Variants in RPSA2 observed in about 807,000 individuals in gnomAD.
RPSA2 encodes ribosomal protein SA 2.
chr19:23,762,694 T>C, the RPSA2 span, among the ~76,000 whole-genome samples: 2,485 of 104,926 alleles, frequency 0.024, 36 homozygotes, highest in Non-Finnish European at 0.038. Flanking sequence ...AAAAAAAAAG[T>C]CCAAATGTTC....
the RPSA2 span, among the ~76,000 whole-genome samples, chr19:23,862,425 G>A: frequency 6.6e-6 from 1 of 151,460 alleles, no homozygotes; most frequent in Non-Finnish European, 1.5e-5. Flanking sequence ...TTGAATAGGA[G>A]TGGTGAGAGA....
chr19:23,857,416 TG>T, the RPSA2 span, among the ~76,000 whole-genome samples: 1 of 152,144 alleles, frequency 6.6e-6, no homozygotes, highest in East Asian at 1.9e-4. Context: ...TCCCTCCATT[TG>T]GGGTCCCTGA....
the RPSA2 span, chr19:23,843,353 G>T: frequency 1.3e-5 from 2 of 155,532 alleles, no homozygotes; most frequent in East Asian, 3.8e-4. Context: ...TTAAAATGTG[G>T]TATGGGATGC....
chr19:23,836,441 C>T, the RPSA2 span, among the ~76,000 whole-genome samples: 1 of 152,130 alleles, frequency 6.6e-6, no homozygotes, highest in Non-Finnish European at 1.5e-5. Context: ...TGGTTGGTTC[C>T]AGAATTTTGC....
the RPSA2 span, among the ~76,000 whole-genome samples, chr19:23,850,102 C>T: frequency 1.3e-5 from 2 of 151,786 alleles, no homozygotes; most frequent in East Asian, 4.0e-4. Flanking sequence ...GCAGTGCCGC[C>T]TTCTCCTGGT....
At chr19:23,805,973 T>C in the RPSA2 span, among the ~76,000 whole-genome samples, 2 of 152,066 alleles carry the variant, frequency 1.3e-5, no homozygotes, top group Non-Finnish European at 2.9e-5. Flanking sequence ...CTGTTGAACA[T>C]GGATAGGTGT....
At chr19:23,865,460 G>GT in the RPSA2 span, among the ~76,000 whole-genome samples, 1 of 152,090 alleles carries the variant, frequency 6.6e-6, no homozygotes, top group Non-Finnish European at 1.5e-5. Flanking sequence ...AGACCCTTCT[G>GT]TTTTTTCTGC....
At chr19:23,771,561 C>T in the RPSA2 span, among the ~76,000 whole-genome samples, 1 of 152,222 alleles carries the variant, frequency 6.6e-6, no homozygotes, top group Admixed American at 6.5e-5. Flanking sequence ...ATTTGACTCT[C>T]CTGCCTGGGC....
At chr19:23,782,439 A>G in the RPSA2 span, 2 of 152,048 alleles carry the variant, frequency 1.3e-5, no homozygotes, top group African/African-American at 2.4e-5. Flanking sequence ...AATCCTGACT[A>G]CAGGGAGCAT....
the RPSA2 span, among the ~76,000 whole-genome samples, chr19:23,841,980 AT>A: frequency 1.3e-5 from 2 of 152,130 alleles, no homozygotes; most frequent in Admixed American, 1.3e-4. Context: ...GAAGGCTGTC[AT>A]TTTTGTTTAC....
At chr19:23,840,362 A>G in the RPSA2 span, among the ~76,000 whole-genome samples, 1 of 152,178 alleles carries the variant, frequency 6.6e-6, no homozygotes, top group African/African-American at 2.4e-5. Flanking sequence ...TTGAATTTAT[A>G]CCGTGAAATA....
the RPSA2 span, among the ~76,000 whole-genome samples, chr19:23,862,238 A>T: frequency 6.6e-6 from 1 of 152,026 alleles, no homozygotes; most frequent in East Asian, 1.9e-4. Flanking sequence ...GTATCCTGAG[A>T]CATTGCTGAA....
the RPSA2 span, among the ~76,000 whole-genome samples, chr19:23,842,931 A>G: frequency 1.3e-5 from 2 of 152,194 alleles, no homozygotes; most frequent in African/African-American, 4.8e-5. Flanking sequence ...GGCATTAAAT[A>G]TTATTGCCCA....
At chr19:23,845,742 T>C in the RPSA2 span, among the ~76,000 whole-genome samples, 540 of 152,362 alleles carry the variant, frequency 3.5e-3, 3 homozygotes, top group African/African-American at 0.012. Context: ...TCCACCTGCC[T>C]CAGCCTCACA....
At chr19:23,791,043 C>T in the RPSA2 span, among the ~76,000 whole-genome samples, 1 of 152,224 alleles carries the variant, frequency 6.6e-6, no homozygotes, top group African/African-American at 2.4e-5. Flanking sequence ...AGCGCCACAT[C>T]TCTCCCAGAT....
chr19:23,804,165 A>C, the RPSA2 span, among the ~76,000 whole-genome samples: 1 of 152,230 alleles, frequency 6.6e-6, no homozygotes, highest in East Asian at 1.9e-4. Flanking sequence ...TTTTCTCTGT[A>C]AACTTTAAAG....
the RPSA2 span, chr19:23,758,924 C>T: frequency 1.3e-6 from 1 of 755,824 alleles, no homozygotes; most frequent in East Asian, 2.5e-5. Context: ...GCCGCCCTGT[C>T]TGCTCCAGCT....
At chr19:23,776,209 C>T in the RPSA2 span, among the ~76,000 whole-genome samples, 1 of 152,152 alleles carries the variant, frequency 6.6e-6, no homozygotes. Flanking sequence ...GTGACAGATG[C>T]TTCTGTGTAG....
the RPSA2 span, among the ~76,000 whole-genome samples, chr19:23,803,260 T>C: frequency 0.98 from 148,878 of 152,216 alleles, 72,903 homozygotes; most frequent in Middle Eastern, 1. Context: ...TGGAGTCTTG[T>C]CTCACAGAAC....
Sources: gnomAD v4.1 joint callset for allele counts (sites outside exome capture counted in the v4.1 genomes callset) on GRCh38, gnomAD v4.1.1 for gene constraint, MANE v1.5 for transcripts, NCBI Gene and HGNC (gene_info 2026-07-23, HGNC 2026-07-21) for gene names.